Variants in CNNM2 observed in about 807,000 individuals in gnomAD.
The protein encoded by CNNM2 is cyclin and CBS domain divalent metal cation transport mediator 2.
A neutral mutation model predicts 66.9 loss-of-function variants in CNNM2; 12 were observed. The ratio of observed to expected loss-of-function variants is 0.18; its 90% CI spans 0.11 to 0.29. CNNM2 has a LOEUF of 0.29. CNNM2 is among the 10% of genes least tolerant of loss of function. CNNM2 has a pLI of 1.00. For missense variants in CNNM2, 705 were observed against 1,167.7 expected, an observed-to-expected ratio of 0.60 and a Z score of 5.77; for synonymous variants, 557 against 501.8, an observed-to-expected ratio of 1.11 and a Z score of -1.47.
At position 103,089,033 on chromosome 10, in the gene CNNM2, G is replaced by A. The variant is rs983454262; in HGVS notation, c.*11853G>A. The A allele has an allele frequency of 2.8e-5, 6 of 215,084 alleles. No individual in the cohort carries two copies. Among genetic ancestry groups the A allele is most frequent in the African/African-American group, 1.4e-4 (6 of 44,372 alleles). 13.3% of individuals were successfully genotyped at this position (215,084 alleles called of 1,614,324 possible). On this transcript the variant is annotated 3_prime_UTR_variant, in exon 8 of 8. Transcript: ENST00000369878. ...ATTTGTGCTATTAAACAAACAAAAGGTAATAAGGATACTGTCTTTTCCCTC... is the reference window on the plus strand; with the variant it reads ...ATTTGTGCTATTAAACAAACAAAAGATAATAAGGATACTGTCTTTTCCCTC...
rs1285143870 is a variant in CNNM2, at chr10:103,077,966, A to G, written c.*786A>G. 4.6e-5 allele frequency: 7 copies of G among 152,634 alleles called. No individual in the cohort carries two copies. Among genetic ancestry groups the G allele is most frequent in the African/African-American group, 1.7e-4 (7 of 41,446 alleles). 9.5% of individuals were successfully genotyped at this position (152,634 alleles called of 1,614,324 possible). A position where few individuals can be genotyped will look rare whatever the true frequency, so the allele number is the denominator to read the frequency against. ...TAAAACCCATGGTTTATCATTGGCA[A>G]GAGGCAAGTTGACTTCATCCTGTCA... On this transcript the variant is annotated 3_prime_UTR_variant, in exon 8 of 8. Coordinates refer to ENST00000369878, the MANE Select transcript of CNNM2 (RefSeq NM_017649.5).
chr10:102,998,546 A>G (rs757802660), intron 1 of CNNM2, among the ~76,000 whole-genome samples: 6 of 152,206 alleles, frequency 3.9e-5, no homozygotes, highest in South Asian at 4.1e-4. Flanking sequence ...AAAATTATCA[A>G]TGTGATTATA....
At chr10:102,983,848 C>T (rs2063755638) in intron 1 of CNNM2, among the ~76,000 whole-genome samples, 2 of 151,950 alleles carry the variant, frequency 1.3e-5, no homozygotes, top group Admixed American at 1.3e-4. Flanking sequence ...TTATTGCAAC[C>T]TCCACCTCCC....
chr10:102,989,522 G>A (rs1233884550), intron 1 of CNNM2, among the ~76,000 whole-genome samples: 1 of 152,106 alleles, frequency 6.6e-6, no homozygotes, highest in Non-Finnish European at 1.5e-5. Flanking sequence ...ATAGTTTGGG[G>A]ACGGGCATGG....
chr10:103,076,022 A>G (rs2065684086), intron 6 of CNNM2, 64 bp from the exon 7 acceptor site: 1 of 1,421,636 alleles, frequency 7.0e-7, no homozygotes, highest in East Asian at 2.4e-5. Flanking sequence ...ATTTTGGAAA[A>G]TAACTGGTTT....
intron 4 of CNNM2, among the ~76,000 whole-genome samples, chr10:103,061,805 G>T (rs1331195800): frequency 6.6e-6 from 1 of 152,080 alleles, no homozygotes; most frequent in East Asian, 1.9e-4. Context: ...TTTATTTTAG[G>T]AATGCAGTTC....
intron 1 of CNNM2, among the ~76,000 whole-genome samples, chr10:102,969,525 T>C (rs949101156): frequency 2.6e-5 from 4 of 151,986 alleles, no homozygotes; most frequent in Non-Finnish European, 5.9e-5. Context: ...AGTGCTATCT[T>C]AGTTGTAGTT....
chr10:103,076,900 C>T (rs1159167466), intron 7 of CNNM2, 71 bp from the exon 8 acceptor site: 16 of 1,364,670 alleles, frequency 1.2e-5, no homozygotes, highest in South Asian at 2.4e-5. Flanking sequence ...CGGGATTGAA[C>T]GTGTGGAGAT....
chr10:102,988,980 A>C (rs1034466563), intron 1 of CNNM2, among the ~76,000 whole-genome samples: 3 of 152,214 alleles, frequency 2.0e-5, no homozygotes, highest in African/African-American at 7.2e-5. Flanking sequence ...TATAGGATTT[A>C]GAATAAGAAG....
In CNNM2 at chr10:103,076,458, G is replaced by A. The variant is rs996458533; in HGVS notation, c.2418+188G>A. Reference sequence around the variant, plus strand: ...GCCCAAGCCTCAGGTTGAGAAAAACGTTGATCTTCTTGGTTCTATCCAATG... The same window carrying A: ...GCCCAAGCCTCAGGTTGAGAAAAACATTGATCTTCTTGGTTCTATCCAATG... On this transcript the variant is annotated intron_variant, in intron 7 of 7. Coordinates refer to ENST00000369878, the MANE Select transcript of CNNM2 (RefSeq NM_017649.5). 2.6e-5 allele frequency among the ~76,000 whole-genome samples: 4 copies of A among 152,158 alleles called. No individual in the cohort carries two copies. Among genetic ancestry groups the A allele is most frequent in the Admixed American group, 6.5e-5 (1 of 15,284 alleles).
At chr10:102,944,078 A>G (rs1338677666) in intron 1 of CNNM2, among the ~76,000 whole-genome samples, 1 of 150,404 alleles carries the variant, frequency 6.6e-6, no homozygotes, top group Non-Finnish European at 1.5e-5. Context: ...TGCTACTTTC[A>G]TAATTCTTTT....
intron 1 of CNNM2, among the ~76,000 whole-genome samples, chr10:103,042,012 T>C (rs2065049202): frequency 6.6e-6 from 1 of 152,354 alleles, no homozygotes; most frequent in East Asian, 1.9e-4. Flanking sequence ...TGGACTCTTG[T>C]ATCTATCTGA....
At chr10:103,021,512 A>T (rs1373840667) in intron 1 of CNNM2, among the ~76,000 whole-genome samples, 1 of 152,072 alleles carries the variant, frequency 6.6e-6, no homozygotes, top group Non-Finnish European at 1.5e-5. Context: ...GGCTGTGAGT[A>T]TTGAGGGGCA....
intron 1 of CNNM2, among the ~76,000 whole-genome samples, chr10:103,044,128 A>T (rs1407316548): frequency 6.6e-6 from 1 of 152,156 alleles, no homozygotes; most frequent in Non-Finnish European, 1.5e-5. Context: ...CTATATTTTC[A>T]TTCTTCTCGT....
intron 1 of CNNM2, among the ~76,000 whole-genome samples, chr10:103,006,011 ATCGTGTCAT>A (rs1403829850): frequency 3.3e-5 from 5 of 152,136 alleles, no homozygotes; most frequent in African/African-American, 1.2e-4. Context: ...TGTGAATGTA[ATCGTGTCAT>A]ATGCAAATCA....
intron 1 of CNNM2, among the ~76,000 whole-genome samples, chr10:102,943,239 AAAC>A (rs1280910498): frequency 6.6e-6 from 1 of 151,818 alleles, no homozygotes; most frequent in Non-Finnish European, 1.5e-5. Flanking sequence ...AAACAAACAA[AAAC>A]CAAAAAAACC....
intron 1 of CNNM2, among the ~76,000 whole-genome samples, chr10:102,957,661 G>A (rs186699057): frequency 6.6e-6 from 1 of 152,280 alleles, no homozygotes; most frequent in African/African-American, 2.4e-5. Flanking sequence ...CCACGTCCAA[G>A]GTCCTGACTT....
chr10:103,047,922 CT>C (rs1193381174), intron 1 of CNNM2, among the ~76,000 whole-genome samples: 1 of 151,928 alleles, frequency 6.6e-6, no homozygotes, highest in Non-Finnish European at 1.5e-5. Context: ...ATTTTCTTTT[CT>C]TTTTTTTCTT....
chr10:103,021,634 T>C (rs188586599), intron 1 of CNNM2, among the ~76,000 whole-genome samples: 23 of 152,258 alleles, frequency 1.5e-4, no homozygotes, highest in Admixed American at 1.4e-3. Flanking sequence ...CCCTCTTGAC[T>C]TCTGCTGCTT....
Sources: gnomAD v4.1 joint callset for allele counts (sites outside exome capture counted in the v4.1 genomes callset) on GRCh38, gnomAD v4.1.1 for gene constraint, MANE v1.5 for transcripts, NCBI Gene and HGNC (gene_info 2026-07-23, HGNC 2026-07-21) for gene names.